Variants in SYNM observed in about 807,000 individuals in gnomAD.
The protein encoded by SYNM is desmuslin.
SYNM carries 95 observed loss-of-function variants against 104.0 expected under a neutral mutation model. The ratio of observed to expected loss-of-function variants is 0.91; its 90% confidence interval spans 0.77 to 1.08. The LOEUF (loss-of-function observed/expected upper bound fraction) is 1.08, where lower values mean the gene tolerates loss of function less well. SYNM is among the 50% of genes least tolerant of loss of function. The pLI is 0.00. For missense variants in SYNM, 2,150 were observed against 2,052.2 expected (o/e 1.05, Z -0.92); for synonymous variants, 918 against 869.0 (o/e 1.06, Z -0.99).
In SYNM at chr15:99,129,603, T is replaced by C. The variant is rs782435411; in HGVS notation, c.1243T>C (p.Tyr415His). 5.6e-6 allele frequency: 9 copies of C among 1,613,906 alleles called. No individual in the cohort carries two copies. The highest frequency in any genetic ancestry group is 7.6e-6 in the Non-Finnish European group (9 of 1,179,884). Residue 415 changes from tyrosine (Y) to histidine (H), a missense_variant, in exon 4 of 4, where the codon TAC (tyrosine) becomes CAC (histidine). Coordinates refer to ENST00000336292, the MANE Select transcript of SYNM (RefSeq NM_145728.3). ...SSATTQQENSYGKAVSSQTNV... is the reference protein window; with the variant it reads ...SSATTQQENSHGKAVSSQTNV... ...GGCCACTACCCAGCAGGAAAACTCA[T>C]ACGGAAAAGCCGTCAGCAGTCAAAC...
downstream of SYNM, chr15:99,137,766 G>T: frequency 1.9e-6 from 1 of 536,210 alleles, no homozygotes. Context: ...AATTCTTGTT[G>T]GCAAGAAAAA....
rs1555482485 is a variant in SYNM at position 99,105,621 on chromosome 15, G to T, written c.422G>T (p.Arg141Leu). 1 of 1,296,502 alleles carries T rather than the reference G, an allele frequency of 7.7e-7. No individual in the cohort carries two copies. Among genetic ancestry groups the T allele is most frequent in the Non-Finnish European group, 9.8e-7 (1 of 1,022,392 alleles). The allele number at this position is 1,296,502 out of a possible 1,614,324, so 80.3% of individuals were successfully genotyped here. A position where few individuals can be genotyped will look rare whatever the true frequency, so the allele number is the denominator to read the frequency against. The stretch of plus-strand genomic sequence containing the variant: ...CTGCTGGGCCGGCTGCAGGCCGAGC[G>T]CCGAGGCCTCGACGCGGCCCACGAA... Reference protein sequence around the residue: ...EALLGRLQAERRGLDAAHERD... With the variant: ...EALLGRLQAELRGLDAAHERD... The change falls in exon 1 of 4, where the codon CGC (arginine) becomes CTC (leucine). Residue 141 changes from arginine to leucine, a missense_variant. Coordinates refer to ENST00000336292, the MANE Select transcript of SYNM (RefSeq NM_145728.3).
intron 1 of SYNM, among the ~76,000 whole-genome samples, chr15:99,111,671 C>T (rs1042021772): frequency 5.9e-5 from 9 of 152,158 alleles, no homozygotes; most frequent in African/African-American, 2.2e-4. Context: ...ATTCAGGGAA[C>T]CTAACAGCCA....
At chr15:99,110,355 G>T (rs375721384) in intron 1 of SYNM, among the ~76,000 whole-genome samples, 9 of 152,330 alleles carry the variant, frequency 5.9e-5, no homozygotes, top group African/African-American at 2.2e-4. Flanking sequence ...TTACTGCGGG[G>T]CATTGGTTAG....
intron 2 of SYNM, among the ~76,000 whole-genome samples, chr15:99,122,231 G>A (rs541773505): frequency 6.6e-6 from 1 of 152,296 alleles, no homozygotes; most frequent in East Asian, 1.9e-4. Context: ...GTGTTTTAAT[G>A]GAGAAAAATA....
chr15:99,125,442 C>T (rs536056758), intron 2 of SYNM, among the ~76,000 whole-genome samples: 4 of 152,222 alleles, frequency 2.6e-5, no homozygotes, highest in Admixed American at 1.3e-4. Context: ...GCTCTGGACT[C>T]GGGCCTCTGC....
chr15:99,115,758 G>A (rs782669866), intron 2 of SYNM, among the ~76,000 whole-genome samples: 38 of 152,290 alleles, frequency 2.5e-4, no homozygotes, highest in Admixed American at 1.8e-3. Flanking sequence ...CACTGCGCCC[G>A]GCCCTGATCA....
downstream of SYNM, among the ~76,000 whole-genome samples, chr15:99,138,489 T>C (rs145311657): frequency 6.6e-6 from 1 of 152,278 alleles, no homozygotes; most frequent in East Asian, 1.9e-4. Context: ...AATTTTTGTA[T>C]TTTTAGTAGA....
chr15:99,105,609 T>G lies in SYNM; in HGVS notation c.410T>G (p.Leu137Arg). The G allele has an allele frequency of 8.0e-7, 1 of 1,251,748 alleles. No homozygotes were observed. The highest frequency in any genetic ancestry group is 1.6e-5 in the African/African-American group (1 of 61,716). 77.5% of individuals were successfully genotyped at this position (1,251,748 alleles called of 1,614,324 possible). The change falls in exon 1 of 4, where the codon CTG becomes CGG. Residue 137 changes from leucine (L) to arginine (R), a missense_variant. Physicochemically the swap from Leu to Arg is moderately radical, Grantham distance 102 (BLOSUM62 -2). Coordinates refer to ENST00000336292, the MANE Select transcript of SYNM (RefSeq NM_145728.3). ...RAALEALLGR[L>R]QAERRGLDAA... ...GCCCTCGAGGCGCTGCTGGGCCGGC[T>G]GCAGGCCGAGCGCCGAGGCCTCGAC...
rs1228461736 is a variant in SYNM, at chr15:99,129,920, A to G, written c.1560A>G (p.Pro520=). The change falls in exon 4 of 4, where the codon CCA becomes CCG. Residue 520 remains proline, a synonymous_variant. Transcript: ENST00000336292. ...GACCAGAAACCATCCGAACAAAGCC[A>G]GAAGAGAAAATGTTCGATTCTAAAG... ...RNRPETIRTK[P]EEKMFDSKEK... 1.9e-6 allele frequency: 3 copies of G among 1,612,572 alleles called. No individual in the cohort carries two copies. The highest frequency in any genetic ancestry group is 4.5e-5 in the East Asian group (2 of 44,850).
rs782032702 is a variant in SYNM, at chr15:99,130,706, G to C, written c.2346G>C (p.Gly782=). The change falls in exon 4 of 4, where the codon GGG becomes GGC. Residue 782 remains glycine (G), a synonymous_variant. Transcript: ENST00000336292. ...AAGATGTGTCGCCAGGCCCCTGGGG[G>C]TTGGTTAAGGAGGAGGAAGGTTATG... ...EVEDVSPGPW[G]LVKEEEGYGE... 1 of 1,613,960 alleles carries C rather than the reference G, an allele frequency of 6.2e-7. No homozygotes were observed. Among genetic ancestry groups the C allele is most frequent in the South Asian group, 1.1e-5 (1 of 91,064 alleles).
intron 1 of SYNM, among the ~76,000 whole-genome samples, 193 bp downstream of exon 1, chr15:99,106,202 C>T (rs1567272645): frequency 6.6e-6 from 1 of 152,200 alleles, no homozygotes; most frequent in Non-Finnish European, 1.5e-5. Flanking sequence ...AGCGGGCGAG[C>T]GCGGGGCGGC....
Position 99,132,228 on chromosome 15 carries a change from G to T in SYNM, c.3868G>T (p.Gly1290Cys), listed in dbSNP as rs1448919414. 29 of 1,611,900 alleles carry T rather than the reference G, an allele frequency of 1.8e-5. No homozygotes were observed. Among genetic ancestry groups the T allele is most frequent in the Non-Finnish European group, 2.4e-5 (28 of 1,178,438 alleles). ...TAPLSDKVEL[G>C]VIGDSVHMEG... ...TCCACTTTCAGACAAGGTGGAGTTG[G>T]GTGTCATAGGAGATTCTGTACACAT... The change falls in exon 4 of 4, where the codon GGT becomes TGT. Residue 1290 changes from glycine (G) to cysteine (C), a missense_variant. Coordinates refer to ENST00000336292, the MANE Select transcript of SYNM (RefSeq NM_145728.3).
Position 99,130,614 on chromosome 15 carries a change from C to A in SYNM, c.2254C>A (p.Pro752Thr), listed in dbSNP as rs574527080. The A allele has an allele frequency of 4.3e-6, 7 of 1,612,532 alleles. No individual in the cohort carries two copies. The East Asian group carries it at 1.6e-4, about 36-fold the overall frequency. ...CGTCAACGTGGAGATCGTGGAGGAG[C>A]CCGTGAGTTATGTCAGCGGGGAGAA... ...KVVNVEIVEE[P>T]VSYVSGEKPE... The change falls in exon 4 of 4, where the codon CCC (proline) becomes ACC (threonine). Residue 752 changes from proline (P) to threonine (T), a missense_variant. By Grantham distance (38) the Pro-to-Thr change is conservative. Coordinates refer to ENST00000336292, the MANE Select transcript of SYNM (RefSeq NM_145728.3).
intron 1 of SYNM, among the ~76,000 whole-genome samples, 159 bp downstream of exon 1, chr15:99,106,168 C>G (rs1425290188): frequency 1.3e-5 from 2 of 152,174 alleles, no homozygotes; most frequent in Non-Finnish European, 2.9e-5. Context: ...GGGACCCGGA[C>G]TCGGTCCGCT....
At position 99,129,565 on chromosome 15, in the gene SYNM, G is replaced by A; in HGVS notation, c.1205G>A (p.Gly402Glu). Reference protein sequence around the residue: ...GDARRGFLGSGYSSSATTQQE... With the variant: ...GDARRGFLGSEYSSSATTQQE... The stretch of plus-strand genomic sequence containing the variant: ...GCCAGAAGAGGCTTCTTGGGCTCGG[G>A]ATATTCTTCCTCGGCCACTACCCAG... The change falls in exon 4 of 4, where the codon GGA becomes GAA. Residue 402 changes from glycine to glutamate, a missense_variant. Coordinates refer to ENST00000336292, the MANE Select transcript of SYNM (RefSeq NM_145728.3). 6.2e-7 allele frequency: 1 copy of A among 1,613,952 alleles called. No homozygotes were observed. The highest frequency in any genetic ancestry group is 8.5e-7 in the Non-Finnish European group (1 of 1,179,894).
chr15:99,130,265 A>C lies in SYNM; in HGVS notation c.1905A>C (p.Thr635=). 1 of 1,614,002 alleles carries C rather than the reference A, an allele frequency of 6.2e-7. No homozygotes were observed. Among genetic ancestry groups the C allele is most frequent in the Non-Finnish European group, 8.5e-7 (1 of 1,179,886 alleles). The part of the protein sequence containing the change: ...ATGSLQGDSM[T]ETVAENIVTS... Reference sequence around the variant, plus strand: ...GTTCTCTGCAAGGCGATTCCATGACAGAAACCGTAGCAGAAAACATCGTTA... The same window carrying C: ...GTTCTCTGCAAGGCGATTCCATGACCGAAACCGTAGCAGAAAACATCGTTA... The change falls in exon 4 of 4, where the codon ACA becomes ACC. Residue 635 remains threonine, a synonymous_variant. Coordinates refer to ENST00000336292, the MANE Select transcript of SYNM (RefSeq NM_145728.3).
At chr15:99,106,967 A>T (rs145286485) in intron 1 of SYNM, among the ~76,000 whole-genome samples, 303 of 152,352 alleles carry the variant, frequency 2.0e-3, no homozygotes, top group Admixed American at 4.5e-3. Flanking sequence ...ATTAGAAGTG[A>T]GAGGAACATG....
chr15:99,113,998 C>G (rs2067323446), intron 2 of SYNM, among the ~76,000 whole-genome samples: 1 of 145,204 alleles, frequency 6.9e-6, no homozygotes, highest in Non-Finnish European at 1.5e-5. Flanking sequence ...GAGCTTCACA[C>G]ATGTCAACGT....
Sources: gnomAD v4.1 joint callset for allele counts (sites outside exome capture counted in the v4.1 genomes callset) on GRCh38, gnomAD v4.1.1 for gene constraint, MANE v1.5 for transcripts, NCBI Gene and HGNC (gene_info 2026-07-23, HGNC 2026-07-21) for gene names.